The following RXYLT1 variants were observed in gnomAD, a reference collection of about 807,000 sequenced individuals.
RXYLT1 encodes the protein ribitol-5-phosphate xylosyltransferase 1.
In RXYLT1, 41 loss-of-function variants were observed where a neutral mutation model predicts 43.5. That is an observed-to-expected ratio of 0.94 (90% CI 0.73 to 1.22). The LOEUF (loss-of-function observed/expected upper bound fraction) is 1.22. RXYLT1 is among the 50% of genes most tolerant of loss of function. The probability of loss-of-function intolerance (pLI) is 0.00; values close to 1 mark genes in which losing one functional copy is unlikely to be tolerated. For synonymous variants in RXYLT1, 166 were observed against 194.4 expected (o/e 0.85, Z 1.21); for missense variants, 514 against 532.0 (o/e 0.97, Z 0.33).
At position 63,808,418 on chromosome 12, in the gene RXYLT1, G is replaced by C. The variant is rs901203630; in HGVS notation, c.915-257G>C. 8 of 451,400 alleles carry C rather than the reference G, an allele frequency of 1.8e-5. No homozygotes were observed. In the Admixed American group the frequency reaches 2.2e-4, roughly 12 times the overall value. The allele number at this position is 451,400 out of a possible 1,614,324, so 28.0% of individuals were successfully genotyped here. On this transcript the variant is annotated intron_variant, in intron 5 of 5. Transcript: ENST00000261234. ...GAGGACCTAGCACTCCCAAAGTATC[G>C]GTTGAATTATTATTATCCATTCAGA...
At chr12:63,780,587 C>A in intron 1 of RXYLT1, 1 of 863,176 alleles carries the variant, frequency 1.2e-6, no homozygotes, top group Non-Finnish European at 1.4e-6. Flanking sequence ...AGATCAGACT[C>A]GGCTTTCTCT....
At chr12:63,784,752 T>G (rs772533469) in intron 2 of RXYLT1, among the ~76,000 whole-genome samples, 2 of 152,188 alleles carry the variant, frequency 1.3e-5, no homozygotes, top group Non-Finnish European at 2.9e-5. Flanking sequence ...TTTTGCCACA[T>G]TTTACACACT....
chr12:63,791,084 A>G (rs926337395), intron 3 of RXYLT1, among the ~76,000 whole-genome samples: 1 of 152,152 alleles, frequency 6.6e-6, no homozygotes, highest in Non-Finnish European at 1.5e-5. Flanking sequence ...CCTTATTGAT[A>G]CATTCTTTAT....
intron 4 of RXYLT1, chr12:63,803,722 TA>T (rs1288477588): frequency 6.6e-6 from 1 of 152,034 alleles, no homozygotes; most frequent in Non-Finnish European, 1.5e-5. Flanking sequence ...TGTTTTCATA[TA>T]GTATAAGATG....
chr12:63,785,992 T>C (rs925504018), intron 3 of RXYLT1, among the ~76,000 whole-genome samples: 7 of 152,186 alleles, frequency 4.6e-5, no homozygotes, highest in African/African-American at 1.4e-4. Context: ...GTTTTTAAAA[T>C]TATCATTGGT....
In RXYLT1 at chr12:63,805,502, A is replaced by G. The variant is rs1226952177; in HGVS notation, c.914+98A>G. 13 of 1,160,362 alleles carry G rather than the reference A, an allele frequency of 1.1e-5. No homozygotes were observed. In the East Asian group the frequency reaches 2.3e-4, roughly 20 times the overall value. The allele number at this position is 1,160,362 out of a possible 1,614,324, so 71.9% of individuals were successfully genotyped here. On this transcript the variant is annotated intron_variant, in intron 5 of 5. Transcript: ENST00000261234. Reference sequence around the variant, plus strand: ...TTTCCAAAGAGGCATTGTTAACTCTATTTGTACCAATCTTTCCCCAGAAGA... The same window carrying G: ...TTTCCAAAGAGGCATTGTTAACTCTGTTTGTACCAATCTTTCCCCAGAAGA...
intron 5 of RXYLT1, 38 bp downstream of exon 5, chr12:63,805,442 T>C (rs774448693): frequency 1.3e-6 from 2 of 1,526,290 alleles, no homozygotes; most frequent in Non-Finnish European, 8.8e-7. Context: ...CATTTTGTTC[T>C]CCAGTCTGAG....
intron 3 of RXYLT1, among the ~76,000 whole-genome samples, chr12:63,786,867 A>G (rs1897814723): frequency 6.6e-6 from 1 of 152,166 alleles, no homozygotes; most frequent in Non-Finnish European, 1.5e-5. Flanking sequence ...TAATCCCAGT[A>G]CTTTGGGAGG....
At position 63,802,135 on chromosome 12, in the gene RXYLT1, A is replaced by G; in HGVS notation, c.473A>G (p.Asp158Gly). ...PAVIPGYFSV[D>G]VNNVVLILNG... ...GTAATACCAGGGTACTTCTCCGTTG[A>G]TGTGAATAATGTGGTACTCATTTTA... The change falls in exon 4 of 6, where the codon GAT (aspartate) becomes GGT (glycine). Residue 158 changes from aspartate (D) to glycine (G), a missense_variant. Physicochemically the swap from Asp to Gly is moderately conservative, Grantham distance 94 (BLOSUM62 -1). Coordinates refer to ENST00000261234, the MANE Select transcript of RXYLT1 (RefSeq NM_014254.3). 1 of 1,612,672 alleles carries G rather than the reference A, an allele frequency of 6.2e-7. No individual in the cohort carries two copies. Among genetic ancestry groups the G allele is most frequent in the Non-Finnish European group, 8.5e-7 (1 of 1,179,422 alleles).
chr12:63,784,705 A>C (rs1592841276), intron 2 of RXYLT1, among the ~76,000 whole-genome samples: 1 of 152,200 alleles, frequency 6.6e-6, no homozygotes, highest in Admixed American at 6.5e-5. Context: ...GGGTTTCTCA[A>C]ATCTAGAGTA....
chr12:63,785,183 T>C lies in RXYLT1; in HGVS notation c.428+111T>C, dbSNP rs1897773712. 8 of 628,494 alleles carry C rather than the reference T, an allele frequency of 1.3e-5. No homozygotes were observed. The South Asian group carries it at 2.7e-4, about 21-fold the overall frequency. 38.9% of individuals were successfully genotyped at this position (628,494 alleles called of 1,614,324 possible). ...GAAAATATATTTATAAAAATACTTC[T>C]ATTTCAACTTGTAAAGAATAGAGAA... On this transcript the variant is annotated intron_variant, in intron 3 of 5. Coordinates refer to ENST00000261234, the MANE Select transcript of RXYLT1 (RefSeq NM_014254.3).
At chr12:63,801,698 C>T (rs373171366) in intron 3 of RXYLT1, among the ~76,000 whole-genome samples, 23 of 151,792 alleles carry the variant, frequency 1.5e-4, no homozygotes, top group African/African-American at 4.4e-4. Context: ...GGTGCACACC[C>T]GTAGTCCCAG....
chr12:63,785,561 A>G (rs1222462237), intron 3 of RXYLT1, among the ~76,000 whole-genome samples: 1 of 152,042 alleles, frequency 6.6e-6, no homozygotes, highest in Non-Finnish European at 1.5e-5. Context: ...TTTTTATTTT[A>G]GATTTAATAA....
chr12:63,799,302 CTTTTTTTTT>C (rs11312130), intron 3 of RXYLT1, among the ~76,000 whole-genome samples: 5 of 71,632 alleles, frequency 7.0e-5, no homozygotes, highest in Non-Finnish European at 1.0e-4. Flanking sequence ...CTTTTCTTTT[CTTTTTTTTT>C]TTTTTTTTTT....
intron 4 of RXYLT1, chr12:63,803,829 G>A (rs1375206054): frequency 6.6e-6 from 1 of 151,650 alleles, no homozygotes; most frequent in East Asian, 1.9e-4. Context: ...CCCACCGGGA[G>A]GCATTTGGCA....
At chr12:63,804,575 G>C (rs544102889) in intron 4 of RXYLT1, 2 of 151,768 alleles carry the variant, frequency 1.3e-5, no homozygotes, top group East Asian at 3.9e-4. Flanking sequence ...ATGATAATGG[G>C]GTACAAATGA....
intron 3 of RXYLT1, among the ~76,000 whole-genome samples, chr12:63,793,430 AAATT>A (rs1592847593): frequency 6.6e-6 from 1 of 152,194 alleles, no homozygotes; most frequent in Non-Finnish European, 1.5e-5. Context: ...TACACAAACT[AAATT>A]AATAGCCCCC....
chr12:63,808,310 T>A (rs1180345304), intron 5 of RXYLT1: 1 of 253,714 alleles, frequency 3.9e-6, no homozygotes, highest in Non-Finnish European at 7.4e-6. Context: ...CCCATCTAAA[T>A]AATTTACTGA....
intron 3 of RXYLT1, among the ~76,000 whole-genome samples, chr12:63,789,562 T>C (rs1460545617): frequency 6.6e-6 from 1 of 152,106 alleles, no homozygotes; most frequent in Non-Finnish European, 1.5e-5. Flanking sequence ...TGACTGGGGA[T>C]CACCACAAAC....
Sources: gnomAD v4.1 joint callset for allele counts (sites outside exome capture counted in the v4.1 genomes callset) on GRCh38, gnomAD v4.1.1 for gene constraint, MANE v1.5 for transcripts, NCBI Gene and HGNC (gene_info 2026-07-23, HGNC 2026-07-21) for gene names.